The following IQSEC2 variants were observed in gnomAD, a reference collection of about 807,000 sequenced individuals.
The protein encoded by IQSEC2 is IQ motif and Sec7 domain ArfGEF 2.
In IQSEC2, 6 loss-of-function variants were observed where a neutral mutation model predicts 74.6. The ratio of observed to expected loss-of-function variants is 0.08; its 90% CI spans 0.04 to 0.16. The LOEUF (loss-of-function observed/expected upper bound fraction) is 0.16, where lower values mean the gene tolerates loss of function less well. IQSEC2 is among the 10% of genes least tolerant of loss of function. The pLI is 1.00. For missense variants in IQSEC2, 734 were observed against 1,306.2 expected, an observed-to-expected ratio of 0.56 and a Z score of 6.75; for synonymous variants, 494 against 544.5, an observed-to-expected ratio of 0.91 and a Z score of 1.29.
rs782460956 is a variant in IQSEC2, at chrX:53,281,462, G to A, written c.737+10433C>T. On this transcript the variant is annotated intron_variant, in intron 2 of 14. Transcript: ENST00000642864. ...ACTGGGTCCAGGCCTGGGCAGGAAG[G>A]GAGGGGGCCAGGCTGCGGGGCCCAG... is the stretch of plus-strand genomic sequence containing the variant. The A allele has an allele frequency of 3.2e-5, 28 of 868,674 alleles. No homozygotes were observed. In the African/African-American group the frequency reaches 5.2e-4, roughly 16 times the overall value. The allele number at this position is 868,674 out of a possible 1,213,427, so 71.6% of individuals were successfully genotyped here.
chrX:53,293,096 C>T (rs1178660805), intron 1 of IQSEC2, among the ~76,000 whole-genome samples: 1 of 112,028 alleles, frequency 8.9e-6, no homozygotes, highest in Admixed American at 9.4e-5. Flanking sequence ...GAGATACACA[C>T]AGGGAGAGGA....
chrX:53,301,778 G>A (rs1489046817), intron 1 of IQSEC2, among the ~76,000 whole-genome samples: 1 of 112,267 alleles, frequency 8.9e-6, no homozygotes, highest in Non-Finnish European at 1.9e-5. Flanking sequence ...TAGAGCCTTA[G>A]GCCTCAGGGT....
At chrX:53,313,620 G>A (rs2075341425) in intron 1 of IQSEC2, among the ~76,000 whole-genome samples, 1 of 112,351 alleles carries the variant, frequency 8.9e-6, no homozygotes, top group Admixed American at 9.4e-5. Flanking sequence ...AGGGAACACT[G>A]CAGTGAGTGA....
intron 2 of IQSEC2, among the ~76,000 whole-genome samples, chrX:53,278,665 A>G (rs1253177742): frequency 2.7e-5 from 3 of 111,901 alleles, no homozygotes; most frequent in Non-Finnish European, 5.6e-5. Flanking sequence ...TCCTCTGGGA[A>G]TCCCTGTGCC....
intron 1 of IQSEC2, among the ~76,000 whole-genome samples, chrX:53,310,815 G>A (rs868991905): frequency 1.8e-5 from 2 of 110,606 alleles, no homozygotes; most frequent in Admixed American, 9.7e-5. Context: ...GGGAGAAAGA[G>A]AACAGCACAT....
chrX:53,318,931 G>A (rs1030342652), intron 1 of IQSEC2, among the ~76,000 whole-genome samples: 5 of 112,899 alleles, frequency 4.4e-5, no homozygotes, highest in African/African-American at 1.6e-4. Flanking sequence ...GGTCCTCCCG[G>A]ACTGAGCTCG....
intron 1 of IQSEC2, among the ~76,000 whole-genome samples, chrX:53,299,760 T>TC (rs1556875055): frequency 9.0e-6 from 1 of 111,037 alleles, no homozygotes; most frequent in Non-Finnish European, 1.9e-5. Context: ...GACAAGACTT[T>TC]TTTTTTTTAA....
chrX:53,234,883 T>C lies in IQSEC2; in HGVS notation c.3803A>G (p.His1268Arg). 7 of 1,163,093 alleles carry C rather than the reference T, an allele frequency of 6.0e-6. No homozygotes were observed. Among genetic ancestry groups the C allele is most frequent in the Non-Finnish European group, 8.0e-6 (7 of 870,631 alleles). The change falls in exon 15 of 15, where the codon CAT (histidine) becomes CGT (arginine). Residue 1268 changes from histidine to arginine, a missense_variant. His to Arg is a conservative substitution (Grantham distance 29, BLOSUM62 0). Transcript: ENST00000642864. The part of the protein sequence containing the change: ...PDGQSKLQAL[H>R]AQYCQGPGPA... ...GCCCGGTCCTTGGCAATACTGGGCA[T>C]GCAGGGCCTGGAGCTTGGACTGCCC...
At chrX:53,231,620 C>T (rs782404812), downstream of IQSEC2, 21 of 111,599 alleles carry the variant, frequency 1.9e-4, no homozygotes, top group South Asian at 3.4e-3. Flanking sequence ...GCAGCACAGG[C>T]AAGTCACCGA....
Position 53,250,558 on chromosome X carries a change from C to T in IQSEC2, c.2018G>A (p.Ser673Asn), listed in dbSNP as rs782244422. Residue 673 changes from serine to asparagine, a missense_variant, in exon 5 of 15, where the codon AGT becomes AAT. By Grantham distance (46) the Ser-to-Asn change is conservative. Coordinates refer to ENST00000642864, the MANE Select transcript of IQSEC2 (RefSeq NM_001111125.3). ...CAACCTCCGACCCCCAGCCACACCA[C>T]TGGGCCCAGTGCCACTGTTGGGGGC... Reference protein sequence around the residue: ...PPAPNSGTGPSGVAGGRRLGK... With the variant: ...PPAPNSGTGPNGVAGGRRLGK... The T allele has an allele frequency of 4.5e-5, 55 of 1,210,387 alleles. No homozygotes were observed. Among genetic ancestry groups the T allele is most frequent in the Non-Finnish European group, 5.7e-5 (51 of 895,309 alleles).
At position 53,251,179 on chromosome X, in the gene IQSEC2, G is replaced by T; in HGVS notation, c.1402-5C>A. The T allele has an allele frequency of 8.3e-7, 1 of 1,207,025 alleles. No homozygotes were observed. Among genetic ancestry groups the T allele is most frequent in the Non-Finnish European group, 1.1e-6 (1 of 893,031 alleles). The stretch of plus-strand genomic sequence containing the variant: ...GGATTCAGCCAGAGACTTTACCTGT[G>T]CAAGGGGGGGAGGAGAGGAGGGAAA... On this transcript the variant is annotated splice_region_variant and splice_polypyrimidine_tract_variant and intron_variant, in intron 4 of 14. Coordinates refer to ENST00000642864, the MANE Select transcript of IQSEC2 (RefSeq NM_001111125.3).
downstream of IQSEC2, chrX:53,231,293 G>A (rs1376299166): frequency 2.0e-4 from 22 of 111,033 alleles, no homozygotes; most frequent in Admixed American, 2.1e-3. Flanking sequence ...CATCAGGGAT[G>A]TTGGGGGGAG....
downstream of IQSEC2, among the ~76,000 whole-genome samples, chrX:53,232,548 CA>C (rs1401566187): frequency 1.8e-5 from 2 of 111,686 alleles, no homozygotes; most frequent in African/African-American, 6.5e-5. Context: ...CTCCATGTGG[CA>C]ATGGCTTATC....
intron 5 of IQSEC2, among the ~76,000 whole-genome samples, chrX:53,249,296 A>G (rs782404106): frequency 8.9e-6 from 1 of 111,923 alleles, no homozygotes; most frequent in Non-Finnish European, 1.9e-5. Flanking sequence ...TCCACGTCCC[A>G]CATCCCACTC....
chrX:53,310,270 G>A (rs1449168094), intron 1 of IQSEC2, among the ~76,000 whole-genome samples: 3 of 110,542 alleles, frequency 2.7e-5, no homozygotes, highest in African/African-American at 9.9e-5. Context: ...TGTGGTCCAA[G>A]CAACTTGGGA....
chrX:53,290,208 T>C (rs2075083237), intron 2 of IQSEC2, among the ~76,000 whole-genome samples: 1 of 111,494 alleles, frequency 9.0e-6, no homozygotes, highest in African/African-American at 3.3e-5. Context: ...TCCTCAGCTG[T>C]AAAACAATGA....
downstream of IQSEC2, chrX:53,230,061 G>A (rs948986015): frequency 1.8e-5 from 2 of 112,305 alleles, no homozygotes; most frequent in Non-Finnish European, 3.8e-5. Context: ...CCTTTCTTAC[G>A]GTGCCACTAA....
At position 53,255,889 on chromosome X, in the gene IQSEC2, C is replaced by A. The variant is rs782768117; in HGVS notation, c.910G>T (p.Ala304Ser). The A allele has an allele frequency of 6.6e-6, 8 of 1,210,817 alleles. No homozygotes were observed. The highest frequency in any genetic ancestry group is 8.9e-6 in the Non-Finnish European group (8 of 894,974). ...QRARLQPASV[A>S]LRKQEEEEIK... ...TCCTCCTCCTCCTGCTTCCTCAGGG[C>A]GACACTGGCTGGCTGGAGGCGTGCC... Residue 304 changes from alanine (A) to serine (S), a missense_variant, in exon 3 of 15, where the codon GCC (alanine) becomes TCC (serine). By Grantham distance (99) the Ala-to-Ser change is moderately conservative. Transcript: ENST00000642864.
At chrX:53,275,483 G>C (rs1283749461) in intron 2 of IQSEC2, among the ~76,000 whole-genome samples, 1 of 111,184 alleles carries the variant, frequency 9.0e-6, no homozygotes, top group African/African-American at 3.3e-5. Flanking sequence ...TTTCATATGA[G>C]ACAAGGATTT....
Sources: allele counts gnomAD v4.1 joint callset (sites outside exome capture counted in the v4.1 genomes callset), GRCh38; gene constraint gnomAD v4.1.1; transcripts MANE v1.5; gene names NCBI Gene and HGNC (gene_info 2026-07-23, HGNC 2026-07-21).